Variants in KLHL1 observed in about 807,000 individuals in gnomAD.
KLHL1 encodes kelch-like protein 1.
KLHL1 carries 47 observed loss-of-function variants against 77.7 expected under a neutral mutation model. The observed-to-expected ratio is 0.60, with a 90% confidence interval of 0.48 to 0.77. KLHL1 has a LOEUF of 0.77. Ranked by LOEUF, KLHL1 falls within the 30% of genes least tolerant of loss-of-function variation. The pLI is 0.00. For missense variants in KLHL1, 925 were observed against 910.8 expected (o/e 1.02, Z -0.20); for synonymous variants, 360 against 325.2 (o/e 1.11, Z -1.15).
chr13:69,867,852 T>TG (rs1459249374), intron 5 of KLHL1, among the ~76,000 whole-genome samples: 1 of 90,876 alleles, frequency 1.1e-5, no homozygotes, highest in Non-Finnish European at 2.0e-5. Context: ...GGGCCTGTTG[T>TG]GGGGTGGGGG....
chr13:70,035,035 C>G (rs998847920), intron 1 of KLHL1, among the ~76,000 whole-genome samples: 4 of 152,038 alleles, frequency 2.6e-5, no homozygotes, highest in Non-Finnish European at 5.9e-5. Context: ...ATTAAGCACA[C>G]TTCTTGGCAT....
intron 1 of KLHL1, among the ~76,000 whole-genome samples, chr13:70,058,401 T>C (rs2137401594): frequency 6.6e-6 from 1 of 152,284 alleles, no homozygotes; most frequent in East Asian, 1.9e-4. Context: ...AAAATCAGCA[T>C]ACAAAAATCA....
At chr13:70,106,129 C>A (rs1052047760) in intron 1 of KLHL1, among the ~76,000 whole-genome samples, 87 of 151,632 alleles carry the variant, frequency 5.7e-4, no homozygotes, top group African/African-American at 2.0e-3. Flanking sequence ...TTTATCTATT[C>A]TTTTTGGTAC....
At chr13:69,875,254 A>T (rs147662780) in intron 5 of KLHL1, among the ~76,000 whole-genome samples, 14 of 152,286 alleles carry the variant, frequency 9.2e-5, no homozygotes, top group African/African-American at 3.1e-4. Flanking sequence ...ATTATAAAAA[A>T]TAACTACATA....
intron 5 of KLHL1, among the ~76,000 whole-genome samples, chr13:69,869,622 G>A (rs528075235): frequency 6.6e-6 from 1 of 152,078 alleles, no homozygotes; most frequent in Non-Finnish European, 1.5e-5. Context: ...TCTCTGAATA[G>A]TCACTGTGGA....
intron 6 of KLHL1, among the ~76,000 whole-genome samples, chr13:69,826,657 T>A (rs1204095008): frequency 6.6e-6 from 1 of 152,198 alleles, no homozygotes; most frequent in Non-Finnish European, 1.5e-5. Flanking sequence ...AGGCAATTTA[T>A]ATGTTAATTA....
rs3751429 is a variant in KLHL1, at chr13:70,107,824, C to T, written c.-125G>A. 5.8e-3 allele frequency: 4,097 copies of T among 710,350 alleles called. 156 individuals carry two copies. In the East Asian group the frequency reaches 0.083, roughly 14 times the overall value. 44.0% of individuals were successfully genotyped at this position (710,350 alleles called of 1,614,324 possible). A position where few individuals can be genotyped will look rare whatever the true frequency, so the allele number is the denominator to read the frequency against. ...GGATGCGCCCTCTGCACCCCTAGAG[C>T]CAGAAGACGCTAGGTGGGCTGCGCG... On this transcript the variant is annotated 5_prime_UTR_variant, in exon 1 of 11. Coordinates refer to ENST00000377844, the MANE Select transcript of KLHL1 (RefSeq NM_020866.3).
At chr13:69,884,426 C>CAA (rs60883710) in intron 4 of KLHL1, among the ~76,000 whole-genome samples, 62 of 64,872 alleles carry the variant, frequency 9.6e-4, no homozygotes, top group Admixed American at 1.7e-3. Flanking sequence ...TCAGATTTTT[C>CAA]AAAAAAAAAA....
At chr13:69,925,312 T>C (rs1054353414) in intron 4 of KLHL1, among the ~76,000 whole-genome samples, 14 of 152,234 alleles carry the variant, frequency 9.2e-5, no homozygotes, top group Non-Finnish European at 2.1e-4. Flanking sequence ...GTAAAGATGC[T>C]ACTTACAGCA....
At position 69,855,841 on chromosome 13, in the gene KLHL1, G is replaced by GTATTATATATGTTATATAATATATTATA. The variant is rs911546587; in HGVS notation, c.1228-16707_1228-16680dup. On this transcript the variant is annotated intron_variant, in intron 5 of 10. Transcript: ENST00000377844. ...ATATATAGAAAATATTATATATACG[G>GTATTATATATGTTATATAATATATTATA]TATTATATATGTTATATAATATATT... Among the ~76,000 whole-genome samples the GTATTATATATGTTATATAATATATTATA allele has an allele frequency of 8.0e-4, 106 of 131,682 alleles. No homozygotes were observed. The East Asian group carries it at 0.013, about 16-fold the overall frequency. 86.4% of individuals were successfully genotyped at this position (131,682 alleles called of 152,430 possible).
intron 1 of KLHL1, among the ~76,000 whole-genome samples, chr13:70,085,525 A>G (rs947512879): frequency 1.8e-4 from 27 of 152,184 alleles, no homozygotes; most frequent in African/African-American, 6.0e-4. Context: ...TTACATTGCT[A>G]TTTTTAATAT....
chr13:69,899,701 T>C (rs1204881339), intron 4 of KLHL1, among the ~76,000 whole-genome samples: 1 of 152,038 alleles, frequency 6.6e-6, no homozygotes, highest in Non-Finnish European at 1.5e-5. Flanking sequence ...GCTGTTGAGA[T>C]GCCGGAAAGG....
At chr13:69,746,282 A>C (rs921350020) in intron 7 of KLHL1, among the ~76,000 whole-genome samples, 1 of 151,782 alleles carries the variant, frequency 6.6e-6, no homozygotes, top group Admixed American at 6.6e-5. Flanking sequence ...TATAATTACT[A>C]TACATTTTAG....
intron 5 of KLHL1, among the ~76,000 whole-genome samples, chr13:69,853,398 T>C (rs923716896): frequency 3.9e-5 from 6 of 152,008 alleles, no homozygotes; most frequent in Admixed American, 1.3e-4. Context: ...CCTTCCACCA[T>C]GATTGTAAGT....
At chr13:69,776,524 T>C (rs1156620133) in intron 7 of KLHL1, among the ~76,000 whole-genome samples, 1 of 152,208 alleles carries the variant, frequency 6.6e-6, no homozygotes, top group Non-Finnish European at 1.5e-5. Context: ...TCTATCATTC[T>C]AAATTATATT....
Position 69,719,589 on chromosome 13 carries a change from C to A in KLHL1, c.1803-8G>T. ...CCTCCAACTGAATACAACCTAAAAACACAATTGGAAAAATGTGATTTAATA... is the reference window on the plus strand; with the variant it reads ...CCTCCAACTGAATACAACCTAAAAAAACAATTGGAAAAATGTGATTTAATA... On this transcript the variant is annotated splice_polypyrimidine_tract_variant and splice_region_variant and intron_variant, in intron 8 of 10. Transcript: ENST00000377844. 1 of 1,600,162 alleles carries A rather than the reference C, an allele frequency of 6.2e-7. No individual in the cohort carries two copies. Among genetic ancestry groups the A allele is most frequent in the Admixed American group, 1.7e-5 (1 of 59,298 alleles).
At chr13:69,875,978 G>T (rs1424333441) in intron 5 of KLHL1, among the ~76,000 whole-genome samples, 1 of 151,890 alleles carries the variant, frequency 6.6e-6, no homozygotes, top group Non-Finnish European at 1.5e-5. Context: ...CATTGAAAAA[G>T]TAACAATGAT....
intron 6 of KLHL1, among the ~76,000 whole-genome samples, chr13:69,815,018 T>C (rs952379974): frequency 1.3e-5 from 2 of 151,262 alleles, no homozygotes; most frequent in African/African-American, 4.9e-5. Flanking sequence ...TCTAAAAAAA[T>C]AAATAAAATA....
intron 3 of KLHL1, among the ~76,000 whole-genome samples, chr13:69,945,453 TA>T (rs1883494296): frequency 4.9e-5 from 7 of 142,556 alleles, no homozygotes; most frequent in Admixed American, 2.1e-4. Flanking sequence ...TGCCTCTAGT[TA>T]AAAGAAAGAA....
Sources: gnomAD v4.1 joint callset for allele counts (sites outside exome capture counted in the v4.1 genomes callset) on GRCh38, gnomAD v4.1.1 for gene constraint, MANE v1.5 for transcripts, NCBI Gene and HGNC (gene_info 2026-07-23, HGNC 2026-07-21) for gene names.